The following NOL4 variants were observed in gnomAD, a reference collection of about 807,000 sequenced individuals.
NOL4 encodes nucleolar protein 4.
NOL4 carries 17 observed loss-of-function variants against 75.9 expected under a neutral mutation model. The ratio of observed to expected loss-of-function variants is 0.22; its 90% CI spans 0.15 to 0.34. The LOEUF is 0.34. Among genes scored for constraint, NOL4 ranks in the 10% least tolerant of loss-of-function variants. The pLI is 1.00. For synonymous variants in NOL4, 292 were observed against 289.9 expected, an observed-to-expected ratio of 1.01 and a Z score of -0.07; for missense variants, 614 against 793.5, an observed-to-expected ratio of 0.77 and a Z score of 2.72.
intron 1 of NOL4, among the ~76,000 whole-genome samples, chr18:34,201,019 T>C (rs1022613735): frequency 6.6e-6 from 1 of 151,572 alleles, no homozygotes; most frequent in African/African-American, 2.4e-5. Flanking sequence ...CTGCTCTATA[T>C]AGGGTTGATG....
chr18:34,075,240 TA>T (rs2077693831), intron 5 of NOL4, among the ~76,000 whole-genome samples: 1 of 152,190 alleles, frequency 6.6e-6, no homozygotes, highest in South Asian at 2.1e-4. Flanking sequence ...GAAATTCACT[TA>T]TGTTTCATAT....
At chr18:34,101,672 C>G (rs1289445017) in intron 4 of NOL4, among the ~76,000 whole-genome samples, 1 of 151,992 alleles carries the variant, frequency 6.6e-6, no homozygotes, top group East Asian at 1.9e-4. Context: ...ATTCAAAGGC[C>G]AATTTCTCAT....
intron 5 of NOL4, among the ~76,000 whole-genome samples, chr18:34,050,938 C>T (rs1192505221): frequency 1.3e-5 from 2 of 152,000 alleles, no homozygotes; most frequent in East Asian, 1.9e-4. Flanking sequence ...GGCTTGGATA[C>T]AGCCTCTAGA....
chr18:33,987,834 G>C (rs1002505062), intron 6 of NOL4, among the ~76,000 whole-genome samples: 3 of 152,018 alleles, frequency 2.0e-5, no homozygotes, highest in Non-Finnish European at 4.4e-5. Flanking sequence ...CAGTGGGCAG[G>C]CTGAATTGAG....
chr18:33,975,321 C>A (rs968293105), intron 6 of NOL4, among the ~76,000 whole-genome samples: 1 of 152,082 alleles, frequency 6.6e-6, no homozygotes, highest in Non-Finnish European at 1.5e-5. Flanking sequence ...TTTTATACCA[C>A]CATAAAAACA....
chr18:34,161,186 A>G (rs1380922380), intron 1 of NOL4, among the ~76,000 whole-genome samples: 1 of 152,176 alleles, frequency 6.6e-6, no homozygotes, highest in Non-Finnish European at 1.5e-5. Flanking sequence ...TCCATTGGGT[A>G]TATATACCAT....
chr18:33,887,803 T>G (rs182906227), intron 9 of NOL4, among the ~76,000 whole-genome samples: 2,521 of 152,324 alleles, frequency 0.017, 59 homozygotes, highest in African/African-American at 0.057. Flanking sequence ...CCACATTTTC[T>G]TAATCCAGTC....
chr18:34,151,828 T>C (rs2081653105), intron 1 of NOL4, among the ~76,000 whole-genome samples: 1 of 151,832 alleles, frequency 6.6e-6, no homozygotes, highest in Non-Finnish European at 1.5e-5. Context: ...TCTGTACTTT[T>C]GCTCAGTATT....
intron 1 of NOL4, among the ~76,000 whole-genome samples, chr18:34,146,631 T>C (rs940985826): frequency 1.3e-5 from 2 of 152,168 alleles, no homozygotes; most frequent in Admixed American, 6.6e-5. Context: ...TACTGTAGCC[T>C]TGTAGTATAG....
At chr18:34,007,219 T>C (rs2146288850) in intron 6 of NOL4, among the ~76,000 whole-genome samples, 1 of 152,006 alleles carries the variant, frequency 6.6e-6, no homozygotes, top group Non-Finnish European at 1.5e-5. Flanking sequence ...CACAAAGAAA[T>C]TTGAGTAATA....
chr18:34,163,483 C>G (rs1182309916), intron 1 of NOL4, among the ~76,000 whole-genome samples: 1 of 151,964 alleles, frequency 6.6e-6, no homozygotes, highest in Non-Finnish European at 1.5e-5. Context: ...AGTGAACTCC[C>G]ATTCACAACT....
chr18:34,193,904 A>T (rs1408584866), intron 1 of NOL4, among the ~76,000 whole-genome samples: 1 of 152,228 alleles, frequency 6.6e-6, no homozygotes, highest in Admixed American at 6.5e-5. Flanking sequence ...CAGCATTAAT[A>T]AGAAGGAAAT....
At chr18:34,062,190 G>A (rs1481797596) in intron 5 of NOL4, among the ~76,000 whole-genome samples, 3 of 151,898 alleles carry the variant, frequency 2.0e-5, no homozygotes, top group Non-Finnish European at 2.9e-5. Flanking sequence ...CATTCTGCAA[G>A]TGTACCACTG....
intron 1 of NOL4, among the ~76,000 whole-genome samples, chr18:34,160,784 T>A (rs539374600): frequency 6.6e-6 from 1 of 152,300 alleles, no homozygotes; most frequent in Admixed American, 6.5e-5. Flanking sequence ...AATGAGCAAA[T>A]TCATCACCTC....
intron 10 of NOL4, among the ~76,000 whole-genome samples, chr18:33,860,196 C>T (rs2063036767): frequency 6.6e-6 from 1 of 152,046 alleles, no homozygotes; most frequent in African/African-American, 2.4e-5. Flanking sequence ...AACTTCCCAC[C>T]AGGTCCCTCC....
Position 34,079,817 on chromosome 18 carries a change from T to C in NOL4, c.772+13648A>G, listed in dbSNP as rs372536531. ...TTAAAGCCAAGTTTTTAGAATTCTG[T>C]TCTTTGCCTGCATCTTGCAAGTCAA... On this transcript the variant is annotated intron_variant, in intron 5 of 10. Transcript: ENST00000261592. Among the ~76,000 whole-genome samples the C allele has an allele frequency of 4.5e-4, 68 of 152,352 alleles. No homozygotes were observed. In the South Asian group the frequency reaches 0.012, roughly 26 times the overall value.
chr18:34,034,215 C>T (rs1031382449), intron 5 of NOL4, among the ~76,000 whole-genome samples: 1 of 152,078 alleles, frequency 6.6e-6, no homozygotes, highest in African/African-American at 2.4e-5. Flanking sequence ...AATAAAGGAA[C>T]AAAGAATATA....
intron 6 of NOL4, among the ~76,000 whole-genome samples, chr18:33,984,484 G>C (rs1429596439): frequency 1.3e-5 from 2 of 152,048 alleles, no homozygotes; most frequent in Admixed American, 6.6e-5. Context: ...GAGGTGACTG[G>C]ATCATGGGGG....
intron 2 of NOL4, among the ~76,000 whole-genome samples, chr18:34,114,378 T>C (rs1002364782): frequency 3.9e-5 from 6 of 152,202 alleles, no homozygotes; most frequent in African/African-American, 2.4e-5. Flanking sequence ...GATGTTAGTC[T>C]TGATCTCTCT....
Sources: allele counts gnomAD v4.1 joint callset (sites outside exome capture counted in the v4.1 genomes callset), GRCh38; gene constraint gnomAD v4.1.1; transcripts MANE v1.5; gene names NCBI Gene and HGNC (gene_info 2026-07-23, HGNC 2026-07-21).